TRIM27: variants seen among roughly 807,000 people sequenced by gnomAD.
TRIM27 encodes tripartite motif containing 27.
TRIM27 carries 12 observed loss-of-function variants against 57.6 expected under a neutral mutation model. The ratio of observed to expected loss-of-function variants is 0.21; its 90% CI spans 0.13 to 0.34. TRIM27 has a LOEUF of 0.34. Ranked by LOEUF, TRIM27 falls within the 10% of genes least tolerant of loss-of-function variation. The pLI is 1.00. For missense variants in TRIM27, 403 were observed against 656.8 expected, an observed-to-expected ratio of 0.61 and a Z score of 4.22; for synonymous variants, 266 against 259.0, an observed-to-expected ratio of 1.03 and a Z score of -0.26.
intron 2 of TRIM27, among the ~76,000 whole-genome samples, chr6:28,921,652 G>A (rs1234539127): frequency 1.3e-5 from 2 of 152,166 alleles, no homozygotes; most frequent in Non-Finnish European, 2.9e-5. Flanking sequence ...TACGCAGTTA[G>A]CAGGTTAAAG....
chr6:28,916,491 G>A (rs1279998699), intron 3 of TRIM27, among the ~76,000 whole-genome samples: 1 of 151,898 alleles, frequency 6.6e-6, no homozygotes, highest in Non-Finnish European at 1.5e-5. Context: ...GGCGGAGGTT[G>A]CGGTGAGCGG....
chr6:28,908,111 C>T (rs1031038957), intron 6 of TRIM27: 1 of 162,062 alleles, frequency 6.2e-6, no homozygotes, highest in South Asian at 2.0e-4. Flanking sequence ...GAATGTGGCT[C>T]GTGAGCAGAA....
chr6:28,916,545 T>G (rs1162204979), intron 3 of TRIM27, among the ~76,000 whole-genome samples: 1 of 148,784 alleles, frequency 6.7e-6, no homozygotes, highest in Admixed American at 6.7e-5. Flanking sequence ...AGAGTGAAAC[T>G]CTGCCTCAAA....
Position 28,903,438 on chromosome 6 carries a change from C to A in TRIM27, c.*632G>T. 1 of 233,402 alleles carries A rather than the reference C, an allele frequency of 4.3e-6. No homozygotes were observed. The highest frequency in any genetic ancestry group is 8.5e-6 in the Non-Finnish European group (1 of 118,170). The allele number at this position is 233,402 out of a possible 1,614,324, so 14.5% of individuals were successfully genotyped here. A position where few individuals can be genotyped will look rare whatever the true frequency, so the allele number is the denominator to read the frequency against. ...AAAGCCCTCAGAAAAGATACAAAGG[C>A]AGAGACATTGATTAGAACATTATCT... On this transcript the variant is annotated 3_prime_UTR_variant, in exon 8 of 8. Transcript: ENST00000377199.
At chr6:28,911,772 T>G in intron 3 of TRIM27, 54 bp from the exon 4 acceptor site, 1 of 1,584,142 alleles carries the variant, frequency 6.3e-7, no homozygotes, top group African/African-American at 1.4e-5. Flanking sequence ...AACTTCGGTT[T>G]TCTTTCACAG....
Position 28,910,744 on chromosome 6 carries a change from ACT to A in TRIM27, c.770+950_770+951del, listed in dbSNP as rs1773141532. ...AAACTGCTAGGGTCTGAGGCAGCTA[ACT>A]CTGTATGTTAGGTCACAGCTAGACT... On this transcript the variant is annotated intron_variant, in intron 4 of 7. Transcript: ENST00000377199. Among the ~76,000 whole-genome samples, 3 of 152,060 alleles carry A rather than the reference ACT, an allele frequency of 2.0e-5. No homozygotes were observed. The South Asian group carries it at 6.2e-4, about 32-fold the overall frequency.
chr6:28,914,597 A>AGGG (rs1773470398), intron 3 of TRIM27, among the ~76,000 whole-genome samples: 5 of 49,834 alleles, frequency 1.0e-4, no homozygotes, highest in Non-Finnish European at 2.0e-4. Context: ...GGGGGGGATG[A>AGGG]GGGATAACAG....
Position 28,923,204 on chromosome 6 carries a change from C to T in TRIM27, c.420+9G>A, listed in dbSNP as rs775271542. 1.9e-6 allele frequency: 3 copies of T among 1,548,360 alleles called. No individual in the cohort carries two copies. The highest frequency in any genetic ancestry group is 2.7e-5 in the African/African-American group (2 of 73,360). On this transcript the variant is annotated intron_variant, in intron 1 of 7. Coordinates refer to ENST00000377199, the MANE Select transcript of TRIM27 (RefSeq NM_006510.5). ...TCGCGCTCCCGCCCTCCCGGATCCG[C>T]GCCCTCACCTTGAAGCCCTCCACCG...
At chr6:28,922,519 T>A (rs1207176493) in intron 1 of TRIM27, among the ~76,000 whole-genome samples, 13 of 152,176 alleles carry the variant, frequency 8.5e-5, no homozygotes, top group Non-Finnish European at 7.3e-5. Context: ...CGGACATAAT[T>A]GTGTACGCAT....
rs1416911850 is a variant in TRIM27, at chr6:28,923,961, T to TTG, written c.-330_-329insCA. ...AAGCGCGCAAGACAACGTGGCCGCG[T>TTG]CCGAGCGGATGCCGGCGGCAGCGTA... On this transcript the variant is annotated 5_prime_UTR_variant, in exon 1 of 8. Transcript: ENST00000377199. 2.9e-6 allele frequency: 1 copy of TTG among 349,742 alleles called. No homozygotes were observed. Among genetic ancestry groups the TTG allele is most frequent in the African/African-American group, 2.1e-5 (1 of 47,646 alleles). 21.7% of individuals were successfully genotyped at this position (349,742 alleles called of 1,614,324 possible). A position where few individuals can be genotyped will look rare whatever the true frequency, so the allele number is the denominator to read the frequency against.
intron 1 of TRIM27, among the ~76,000 whole-genome samples, chr6:28,922,966 G>A (rs558996265): frequency 6.6e-6 from 1 of 152,284 alleles, no homozygotes; most frequent in Admixed American, 6.5e-5. Context: ...ATGTGTCCGT[G>A]AGACAGGTAA....
At chr6:28,907,527 A>T (rs1453425170) in intron 6 of TRIM27, 1 of 675,378 alleles carries the variant, frequency 1.5e-6, no homozygotes, top group Non-Finnish European at 2.8e-6. Flanking sequence ...AACTGAGCCA[A>T]GATCAAGAAT....
chr6:28,907,044 A>T, intron 7 of TRIM27, 192 bp downstream of exon 7: 1 of 560,866 alleles, frequency 1.8e-6, no homozygotes, highest in Non-Finnish European at 3.1e-6. Flanking sequence ...CAGCTCTGAG[A>T]CATTTCAGGA....
At chr6:28,922,156 A>C (rs1215335469) in intron 1 of TRIM27, among the ~76,000 whole-genome samples, 169 bp from the exon 2 acceptor site, 1 of 152,182 alleles carries the variant, frequency 6.6e-6, no homozygotes, top group Non-Finnish European at 1.5e-5. Flanking sequence ...GGGGCAAACA[A>C]GCCACTCCTT....
chr6:28,909,226 GCCT>G (rs1772998650), intron 4 of TRIM27, 138 bp from the exon 5 acceptor site: 1 of 631,834 alleles, frequency 1.6e-6, no homozygotes, highest in African/African-American at 1.8e-5. Context: ...TCCTGCCTCA[GCCT>G]CCTGAGTAGC....
At chr6:28,922,045 G>C (rs1774083769) in intron 1 of TRIM27, 58 bp from the exon 2 acceptor site, 4 of 1,297,822 alleles carry the variant, frequency 3.1e-6, no homozygotes, top group Non-Finnish European at 4.5e-6. Flanking sequence ...GCATCAGCAT[G>C]GTACTTCTTA....
At chr6:28,923,170 T>C (rs1395911257) in intron 1 of TRIM27, 43 bp downstream of exon 1, 7 of 1,503,280 alleles carry the variant, frequency 4.7e-6, no homozygotes, top group Non-Finnish European at 6.2e-6. Flanking sequence ...TCTCCTCCCT[T>C]TGTCCGACTC....
chr6:28,912,773 T>C (rs1773302576), intron 3 of TRIM27, among the ~76,000 whole-genome samples: 2 of 152,240 alleles, frequency 1.3e-5, no homozygotes, highest in African/African-American at 4.8e-5. Flanking sequence ...ATCTTCAAAG[T>C]AAATTCTTAG....
At chr6:28,912,808 G>T (rs538173430) in intron 3 of TRIM27, among the ~76,000 whole-genome samples, 1 of 152,098 alleles carries the variant, frequency 6.6e-6, no homozygotes, top group African/African-American at 2.4e-5. Flanking sequence ...TTATTGATAC[G>T]TAACAGACAT....
Sources: allele counts gnomAD v4.1 joint callset (sites outside exome capture counted in the v4.1 genomes callset), GRCh38; gene constraint gnomAD v4.1.1; transcripts MANE v1.5; gene names NCBI Gene and HGNC (gene_info 2026-07-23, HGNC 2026-07-21).